FBXL17: variants seen among roughly 807,000 people sequenced by gnomAD.
FBXL17 encodes F-box/LRR-repeat protein 17.
In FBXL17, 22 loss-of-function variants were observed where a neutral mutation model predicts 66.2. The observed-to-expected ratio is 0.33, with a 90% CI of 0.24 to 0.47. The LOEUF (loss-of-function observed/expected upper bound fraction) is 0.47, where lower values mean the gene tolerates loss of function less well. FBXL17 is among the 20% of genes least tolerant of loss of function. The pLI, the probability that FBXL17 is intolerant of heterozygous loss-of-function variation, is 1.00. For synonymous variants in FBXL17, 474 were observed against 400.5 expected, an observed-to-expected ratio of 1.18 and a Z score of -2.19; for missense variants, 878 against 948.2, an observed-to-expected ratio of 0.93 and a Z score of 0.97.
At chr5:108,153,081 G>A (rs936260455) in intron 6 of FBXL17, among the ~76,000 whole-genome samples, 1 of 152,134 alleles carries the variant, frequency 6.6e-6, no homozygotes, top group African/African-American at 2.4e-5. Context: ...TGCCATGTAA[G>A]GTGTGACTTT....
chr5:108,350,722 C>T (rs1170529390), intron 3 of FBXL17, among the ~76,000 whole-genome samples: 3 of 152,180 alleles, frequency 2.0e-5, no homozygotes, highest in East Asian at 3.8e-4. Flanking sequence ...GAATTCTGTA[C>T]TCGGGATTCA....
chr5:108,267,823 G>A (rs929871485), intron 4 of FBXL17, among the ~76,000 whole-genome samples: 1 of 152,004 alleles, frequency 6.6e-6, no homozygotes, highest in African/African-American at 2.4e-5. Flanking sequence ...ATTAAAGAAG[G>A]CCTCCTTGGG....
chr5:108,147,209 A>G (rs1223904142), intron 6 of FBXL17, among the ~76,000 whole-genome samples: 2 of 152,212 alleles, frequency 1.3e-5, no homozygotes, highest in Non-Finnish European at 2.9e-5. Context: ...AAGCAGCAAG[A>G]ACTCAGAGTT....
chr5:108,214,536 TTTTTTAAATA>T (rs1408663284), intron 5 of FBXL17, among the ~76,000 whole-genome samples: 1 of 151,994 alleles, frequency 6.6e-6, no homozygotes, highest in East Asian at 1.9e-4. Context: ...CCCAGCTAAT[TTTTTTAAATA>T]TTTTTAGTAG....
In FBXL17 at chr5:108,127,074, T is replaced by C. The variant is rs531624310; in HGVS notation, c.1745+59043A>G. On this transcript the variant is annotated intron_variant, in intron 6 of 8. Transcript: ENST00000542267. Reference sequence around the variant, plus strand: ...CATGATTTTATTAACATTCTTGTTGTTTATGTGTATGTTTTGTTTTTTAGT... The same window carrying C: ...CATGATTTTATTAACATTCTTGTTGCTTATGTGTATGTTTTGTTTTTTAGT... Among the ~76,000 whole-genome samples, 367 of 152,274 alleles carry C rather than the reference T, an allele frequency of 2.4e-3. 1 individual carries two copies. The highest frequency in any genetic ancestry group is 8.6e-3 in the African/African-American group (358 of 41,558).
At position 108,229,925 on chromosome 5, in the gene FBXL17, C is replaced by A. The variant is rs1020065440; in HGVS notation, c.1507-5697G>T. 2.0e-5 allele frequency among the ~76,000 whole-genome samples: 3 copies of A among 152,026 alleles called. No homozygotes were observed. The South Asian group carries it at 6.2e-4, about 32-fold the overall frequency. ...GGGCTAAGGTCATGAATAGACAATT[C>A]TCAAAAGAAGATATTCAAATGGCCA... On this transcript the variant is annotated intron_variant, in intron 4 of 8. Transcript: ENST00000542267.
At chr5:107,958,440 A>G (rs1561339277) in intron 7 of FBXL17, among the ~76,000 whole-genome samples, 1 of 152,202 alleles carries the variant, frequency 6.6e-6, no homozygotes, top group Non-Finnish European at 1.5e-5. Context: ...AAATTTGAGA[A>G]TCAACATCTC....
chr5:108,317,434 A>G (rs535093982), intron 4 of FBXL17, among the ~76,000 whole-genome samples: 10 of 151,018 alleles, frequency 6.6e-5, no homozygotes, highest in African/African-American at 2.4e-5. Flanking sequence ...TTTGATCATT[A>G]CACATTGCAT....
intron 7 of FBXL17, among the ~76,000 whole-genome samples, chr5:107,898,383 GC>G (rs367637476): frequency 1.6e-4 from 25 of 152,112 alleles, no homozygotes; most frequent in African/African-American, 5.1e-4. Context: ...AGAAAGACCA[GC>G]CCCTCCTTGT....
At chr5:108,228,419 T>C (rs1253970112) in intron 4 of FBXL17, among the ~76,000 whole-genome samples, 1 of 152,136 alleles carries the variant, frequency 6.6e-6, no homozygotes, top group East Asian at 1.9e-4. Flanking sequence ...CTGTCTAGCT[T>C]CAAATCCCAA....
At position 107,879,664 on chromosome 5, in the gene FBXL17, T is replaced by C. The variant is rs995205101; in HGVS notation, c.1965+1373A>G. On this transcript the variant is annotated intron_variant, in intron 8 of 8. Transcript: ENST00000542267. ...GCCATACTTCATTTGCCCCCACATTTGCTACATTTAGAAGATGCATGCCCT... is the reference window on the plus strand; with the variant it reads ...GCCATACTTCATTTGCCCCCACATTCGCTACATTTAGAAGATGCATGCCCT... The C allele has an allele frequency of 3.0e-6, 3 of 985,354 alleles. No individual in the cohort carries two copies. In the African/African-American group the frequency reaches 5.2e-5, roughly 17 times the overall value. The allele number at this position is 985,354 out of a possible 1,614,324, so 61.0% of individuals were successfully genotyped here.
chr5:108,337,054 G>A (rs1272015993), intron 4 of FBXL17, among the ~76,000 whole-genome samples: 2 of 151,820 alleles, frequency 1.3e-5, no homozygotes, highest in South Asian at 2.1e-4. Flanking sequence ...TCAAGAGATC[G>A]AGACCATCCT....
intron 4 of FBXL17, among the ~76,000 whole-genome samples, chr5:108,287,918 T>A (rs569097404): frequency 6.6e-6 from 1 of 151,972 alleles, no homozygotes; most frequent in African/African-American, 2.4e-5. Context: ...ATATACACCA[T>A]GGAATACTAC....
At chr5:108,029,670 T>C (rs1036561931) in intron 6 of FBXL17, among the ~76,000 whole-genome samples, 3 of 152,086 alleles carry the variant, frequency 2.0e-5, no homozygotes, top group Non-Finnish European at 4.4e-5. Context: ...GTGGACTATA[T>C]TTAAAAAAGA....
intron 5 of FBXL17, among the ~76,000 whole-genome samples, chr5:108,213,153 C>A (rs1413619656): frequency 6.6e-6 from 1 of 152,084 alleles, no homozygotes; most frequent in East Asian, 1.9e-4. Context: ...CTCCCCCTAC[C>A]GAGCTTGAGC....
Position 107,948,856 on chromosome 5 carries a change from G to A in FBXL17, c.1823-67677C>T, listed in dbSNP as rs531921518. On this transcript the variant is annotated intron_variant, in intron 7 of 8. Coordinates refer to ENST00000542267, the MANE Select transcript of FBXL17 (RefSeq NM_001163315.3). ...AGATAGCTCTTGGTACATAGCAAGCGCTCAATGAGTGTTAACTATTTGAAA... is the reference window on the plus strand; with the variant it reads ...AGATAGCTCTTGGTACATAGCAAGCACTCAATGAGTGTTAACTATTTGAAA... Among the ~76,000 whole-genome samples the A allele has an allele frequency of 9.2e-5, 14 of 152,278 alleles. No homozygotes were observed. The East Asian group carries it at 1.9e-3, about 21-fold the overall frequency.
intron 6 of FBXL17, among the ~76,000 whole-genome samples, chr5:108,150,617 A>T (rs1241734216): frequency 6.6e-6 from 1 of 152,176 alleles, no homozygotes; most frequent in Non-Finnish European, 1.5e-5. Context: ...TCACAATGAC[A>T]ATTTTGAAGA....
At chr5:108,269,427 G>C (rs1329527794) in intron 4 of FBXL17, among the ~76,000 whole-genome samples, 1 of 151,962 alleles carries the variant, frequency 6.6e-6, no homozygotes, top group African/African-American at 2.4e-5. Context: ...CCCAAGAAAG[G>C]TATAACCTCA....
chr5:107,991,310 A>G (rs1416544225), intron 7 of FBXL17, among the ~76,000 whole-genome samples: 1 of 152,220 alleles, frequency 6.6e-6, no homozygotes, highest in Non-Finnish European at 1.5e-5. Context: ...GAAGAAACCC[A>G]CAAGAGAGCT....
Sources: gnomAD v4.1 joint callset for allele counts (sites outside exome capture counted in the v4.1 genomes callset) on GRCh38, gnomAD v4.1.1 for gene constraint, MANE v1.5 for transcripts, NCBI Gene and HGNC (gene_info 2026-07-23, HGNC 2026-07-21) for gene names.